The following TMEM237 variants were observed in gnomAD, a reference collection of about 807,000 sequenced individuals.
TMEM237 encodes the protein amyotrophic lateral sclerosis 2 (juvenile) chromosome region, candidate 4.
Under a neutral mutation model 59.1 loss-of-function variants are expected in TMEM237, and 51 were observed. The observed-to-expected ratio is 0.86, with a 90% CI of 0.69 to 1.09. TMEM237 has a LOEUF of 1.09. TMEM237 is among the 50% of genes least tolerant of loss of function. TMEM237 has a pLI of 0.00. For missense variants in TMEM237, 475 were observed against 478.3 expected, an observed-to-expected ratio of 0.99 and a Z score of 0.06; for synonymous variants, 140 against 166.1, an observed-to-expected ratio of 0.84 and a Z score of 1.21.
intron 1 of TMEM237, chr2:201,642,553 A>G (rs1687446041): frequency 6.3e-7 from 1 of 1,585,524 alleles, no homozygotes; most frequent in African/African-American, 1.4e-5. Context: ...CAAAAGTAGG[A>G]CGGCTCAACT....
At chr2:201,625,482 G>GT (rs1363545288) in intron 12 of TMEM237, among the ~76,000 whole-genome samples, 2 of 152,184 alleles carry the variant, frequency 1.3e-5, no homozygotes, top group Non-Finnish European at 2.9e-5. Flanking sequence ...AAGGTTAGCA[G>GT]TTTGCTAATA....
chr2:201,642,089 TG>T (rs1455732147), intron 1 of TMEM237, among the ~76,000 whole-genome samples: 2 of 152,172 alleles, frequency 1.3e-5, no homozygotes, highest in Non-Finnish European at 2.9e-5. Context: ...GAAAGAAAGG[TG>T]GGGGGAACCC....
intron 8 of TMEM237, 122 bp from the exon 9 acceptor site, chr2:201,629,543 CTT>C: frequency 7.6e-7 from 1 of 1,308,410 alleles, no homozygotes; most frequent in African/African-American, 1.5e-5. Context: ...AAAGCAAGCT[CTT>C]TCTTTTTAGT....
In TMEM237 at chr2:201,633,389, G is replaced by T; in HGVS notation, c.317C>A (p.Ser106Tyr). ...SSTQKKSSSS[S>Y]LLRNENGIDA... ...AATACCATTTTCATTTCGTAATAAA[G>T]ATGAACTAGATGACTTCTTTTGGGT... The change falls in exon 6 of 13, where the codon TCT becomes TAT. Residue 106 changes from serine (S) to tyrosine (Y), a missense_variant. Transcript: ENST00000409883. 6.3e-7 allele frequency: 1 copy of T among 1,577,490 alleles called. No homozygotes were observed. Among genetic ancestry groups the T allele is most frequent in the South Asian group, 1.2e-5 (1 of 85,398 alleles).
intron 11 of TMEM237, among the ~76,000 whole-genome samples, chr2:201,627,033 T>C (rs1045018516): frequency 2.6e-5 from 4 of 151,352 alleles, no homozygotes; most frequent in African/African-American, 9.7e-5. Context: ...TGAGCCGAGA[T>C]AGTGCCATTG....
In TMEM237 at chr2:201,622,984, C is replaced by G. The variant is rs148854568; in HGVS notation, c.*1271G>C. The G allele has an allele frequency of 5.7e-6, 1 of 176,168 alleles. No homozygotes were observed. Among genetic ancestry groups the G allele is most frequent in the East Asian group, 1.5e-4 (1 of 6,788 alleles). The allele number at this position is 176,168 out of a possible 1,614,324, so 10.9% of individuals were successfully genotyped here. A position where few individuals can be genotyped will look rare whatever the true frequency, so the allele number is the denominator to read the frequency against. The stretch of plus-strand genomic sequence containing the variant: ...CCAGATTGAGAACCATTGCTGGTCA[C>G]AGTGAAAGCTGGAACTAGCAGGATG... On this transcript the variant is annotated 3_prime_UTR_variant, in exon 13 of 13. Transcript: ENST00000409883.
intron 10 of TMEM237, among the ~76,000 whole-genome samples, chr2:201,627,632 C>T (rs1957770917): frequency 6.6e-6 from 1 of 152,138 alleles, no homozygotes; most frequent in African/African-American, 2.4e-5. Flanking sequence ...ACTATTTCAT[C>T]ATTAGAACTG....
intron 12 of TMEM237, among the ~76,000 whole-genome samples, chr2:201,625,270 G>T (rs2105896911): frequency 6.6e-6 from 1 of 152,088 alleles, no homozygotes; most frequent in African/African-American, 2.4e-5. Flanking sequence ...GCTGAGGCAG[G>T]AGAATGACAT....
At position 201,623,572 on chromosome 2, in the gene TMEM237, C is replaced by T. The variant is rs1222397453; in HGVS notation, c.*683G>A. On this transcript the variant is annotated 3_prime_UTR_variant, in exon 13 of 13. Coordinates refer to ENST00000409883, the MANE Select transcript of TMEM237 (RefSeq NM_001044385.3). ...TTGCCCTGCTCAGCCTCTTTTGCTACATAGATTTTTAAAATCTCCCTCTAT... is the reference window on the plus strand; with the variant it reads ...TTGCCCTGCTCAGCCTCTTTTGCTATATAGATTTTTAAAATCTCCCTCTAT... The T allele has an allele frequency of 6.6e-6, 1 of 152,540 alleles. No individual in the cohort carries two copies. Among genetic ancestry groups the T allele is most frequent in the East Asian group, 1.9e-4 (1 of 5,206 alleles). The allele number at this position is 152,540 out of a possible 1,614,324, so 9.4% of individuals were successfully genotyped here. A position where few individuals can be genotyped will look rare whatever the true frequency, so the allele number is the denominator to read the frequency against.
intron 5 of TMEM237, 103 bp from the exon 6 acceptor site, chr2:201,633,534 G>T: frequency 1.1e-6 from 1 of 902,096 alleles, no homozygotes; most frequent in Non-Finnish European, 1.5e-6. Context: ...ATTTTAATTG[G>T]GCAAAAATGT....
At chr2:201,642,465 G>T in intron 1 of TMEM237, 1 of 875,234 alleles carries the variant, frequency 1.1e-6, no homozygotes, top group African/African-American at 1.8e-5. Context: ...TCGATCCCAG[G>T]GCTCTGTTCA....
Position 201,635,871 on chromosome 2 carries a change from A to G in TMEM237, c.274+877T>C, listed in dbSNP as rs578015086. 2.8e-3 allele frequency among the ~76,000 whole-genome samples: 421 copies of G among 152,330 alleles called. 6 individuals are homozygous for G. Among genetic ancestry groups the G allele is most frequent in the African/African-American group, 9.6e-3 (400 of 41,578 alleles). ...TTGATTTTGGACTTCTCACCTAAGAACTATGAAAAAATAAACTGTTGTTTG... is the reference window on the plus strand; with the variant it reads ...TTGATTTTGGACTTCTCACCTAAGAGCTATGAAAAAATAAACTGTTGTTTG... On this transcript the variant is annotated intron_variant, in intron 5 of 12. Coordinates refer to ENST00000409883, the MANE Select transcript of TMEM237 (RefSeq NM_001044385.3). The surrounding 1 kb of genome is among the most constrained non-coding windows in gnomAD (Gnocchi z 4.5).
Position 201,632,095 on chromosome 2 carries a change from G to C in TMEM237, c.509C>G (p.Thr170Ser). The C allele has an allele frequency of 6.2e-7, 1 of 1,613,922 alleles. No individual in the cohort carries two copies. The highest frequency in any genetic ancestry group is 1.1e-5 in the South Asian group (1 of 91,068). Residue 170 changes from threonine to serine, a missense_variant, in exon 7 of 13, where the codon ACT becomes AGT. Physicochemically the swap from Thr to Ser is moderately conservative, Grantham distance 58 (BLOSUM62 1). Transcript: ENST00000409883. ...VEQQSVFTAP[T>S]GISQPVGKVF... ...TTTGCCTACAGGCTGGCTAATGCCA[G>C]TGGGTGCAGTGAATACAGACTGCTG...
intron 7 of TMEM237, 48 bp from the exon 8 acceptor site, chr2:201,629,900 G>A (rs1294526554): frequency 6.3e-7 from 1 of 1,577,238 alleles, no homozygotes; most frequent in Admixed American, 2.0e-5. Context: ...AGAGAACCCT[G>A]GTAGCCATTT....
chr2:201,636,168 GTTAACATC>G (rs1197410508), intron 5 of TMEM237: 1 of 152,224 alleles, frequency 6.6e-6, no homozygotes, highest in African/African-American at 2.4e-5. Context: ...TAACGCTGCA[GTTAACATC>G]CTTTAATTAC....
At chr2:201,642,879 C>A (rs1687458503) in intron 1 of TMEM237, 2 of 1,336,686 alleles carry the variant, frequency 1.5e-6, no homozygotes, top group Non-Finnish European at 9.5e-7. Context: ...AATCTGGCGA[C>A]CGTGGCGCTG....
At position 201,643,392 on chromosome 2, in the gene TMEM237, A is replaced by C. The variant is rs6736435; in HGVS notation, c.9T>G (p.Thr3=). The C allele has an allele frequency of 0.013, 20,503 of 1,544,272 alleles. 999 individuals carry two copies. The East Asian group carries it at 0.18, about 13-fold the overall frequency. The change falls in exon 1 of 13, where the codon ACT becomes ACG. Residue 3 remains threonine, a synonymous_variant. Coordinates refer to ENST00000409883, the MANE Select transcript of TMEM237 (RefSeq NM_001044385.3). The surrounding 1 kb of genome is among the most constrained non-coding windows in gnomAD (Gnocchi z 4.3). MR[T]DSGARLEEGH... The stretch of plus-strand genomic sequence containing the variant: ...CCTCCTCCAGCCGAGCCCCCGAGTC[A>C]GTCCTCATGGTGCTCTCCCCGCGGG...
At chr2:201,624,764 A>G (rs370234801) in intron 12 of TMEM237, among the ~76,000 whole-genome samples, 2 of 152,312 alleles carry the variant, frequency 1.3e-5, no homozygotes, top group Middle Eastern at 3.4e-3. Flanking sequence ...TCATCAAAAC[A>G]ACGCAAGAAG....
intron 6 of TMEM237, 91 bp from the exon 7 acceptor site, chr2:201,632,299 GC>G (rs1199506851): frequency 4.8e-5 from 66 of 1,386,350 alleles, no homozygotes; most frequent in Non-Finnish European, 5.7e-5. Flanking sequence ...AATGGAAAGG[GC>G]CCTGGACTTG....
Sources: allele counts gnomAD v4.1 joint callset (sites outside exome capture counted in the v4.1 genomes callset), GRCh38; gene constraint gnomAD v4.1.1; non-coding constraint Gnocchi (gnomAD v3.1); transcripts MANE v1.5; gene names NCBI Gene and HGNC (gene_info 2026-07-23, HGNC 2026-07-21).